Variants in SIDT2 observed in about 807,000 individuals in gnomAD.
SIDT2 encodes SID1 transmembrane family, member 2.
In SIDT2, 68 loss-of-function variants were observed where a neutral mutation model predicts 114.4. The ratio of observed to expected loss-of-function variants is 0.59; its 90% confidence interval spans 0.49 to 0.73. SIDT2 has a LOEUF of 0.73. Ranked by LOEUF, SIDT2 falls within the 30% of genes least tolerant of loss-of-function variation. SIDT2 has a pLI of 0.00. For missense variants in SIDT2, 918 were observed against 1,097.1 expected (o/e 0.84, Z 2.31); for synonymous variants, 470 against 438.4 (o/e 1.07, Z -0.90).
rs2030926261 is a variant in SIDT2, at chr11:117,197,346, T to A, written c.*1280T>A. On this transcript the variant is annotated 3_prime_UTR_variant, in exon 26 of 26. Coordinates refer to ENST00000324225, the MANE Select transcript of SIDT2 (RefSeq NM_001040455.2). ...TAGCTCTGCTTGAAGGGCTGGGAGA[T>A]GAGGTGGGTCTGGATCTTTTCTCAG... is the stretch of plus-strand genomic sequence containing the variant. 1 of 152,622 alleles carries A rather than the reference T, an allele frequency of 6.6e-6. No individual in the cohort carries two copies. The highest frequency in any genetic ancestry group is 2.4e-5 in the African/African-American group (1 of 41,446). The allele number at this position is 152,622 out of a possible 1,614,324, so 9.5% of individuals were successfully genotyped here. A position where few individuals can be genotyped will look rare whatever the true frequency, so the allele number is the denominator to read the frequency against.
intron 15 of SIDT2, 46 bp from the exon 16 acceptor site, chr11:117,189,906 T>C (rs2030638215): frequency 2.2e-5 from 35 of 1,595,632 alleles, no homozygotes; most frequent in Non-Finnish European, 3.0e-5. Context: ...GTGGGCTGAG[T>C]TGGGCGTGAC....
At position 117,196,201 on chromosome 11, in the gene SIDT2, T is replaced by A; in HGVS notation, c.*135T>A. 1 of 1,221,844 alleles carries A rather than the reference T, an allele frequency of 8.2e-7. No individual in the cohort carries two copies. The highest frequency in any genetic ancestry group is 1.1e-6 in the Non-Finnish European group (1 of 872,314). 75.7% of individuals were successfully genotyped at this position (1,221,844 alleles called of 1,614,324 possible). ...TGGATGGCAGCAGGACAGCCAGGTC[T>A]AGCTTAGGCTTGGCCTGGGACAGCC... On this transcript the variant is annotated 3_prime_UTR_variant, in exon 26 of 26. Transcript: ENST00000324225. The surrounding 1 kb of genome is among the most constrained non-coding windows in gnomAD (Gnocchi z 4.9).
chr11:117,188,696 T>G lies in SIDT2; in HGVS notation c.1160-12T>G. On this transcript the variant is annotated splice_polypyrimidine_tract_variant and intron_variant, in intron 12 of 25. Coordinates refer to ENST00000324225, the MANE Select transcript of SIDT2 (RefSeq NM_001040455.2). This position sits in a 1 kb window ranked among gnomAD's most constrained non-coding sequence, Gnocchi z 4.0. The stretch of plus-strand genomic sequence containing the variant: ...TCCACCGGTGCAACCCCTCCCTCCC[T>G]GCCCTTTCCAGGCCGCTCCTTTGAA... The G allele has an allele frequency of 6.3e-7, 1 of 1,597,112 alleles. No homozygotes were observed. Among genetic ancestry groups the G allele is most frequent in the South Asian group, 1.1e-5 (1 of 90,742 alleles).
chr11:117,193,742 C>T (rs951184549), intron 23 of SIDT2, 111 bp from the exon 24 acceptor site: 2 of 745,200 alleles, frequency 2.7e-6, no homozygotes, highest in African/African-American at 1.7e-5. Flanking sequence ...AGGAGCAGTC[C>T]TGAAGGCCTG....
intron 8 of SIDT2, among the ~76,000 whole-genome samples, chr11:117,184,415 G>T (rs1349292912): frequency 6.6e-6 from 1 of 152,212 alleles, no homozygotes; most frequent in Non-Finnish European, 1.5e-5. Context: ...TTGTAAGAAA[G>T]AGCTTTAATT....
Position 117,181,978 on chromosome 11 carries a change from A to G in SIDT2, c.470+7A>G. The G allele has an allele frequency of 6.2e-7, 1 of 1,614,084 alleles. No homozygotes were observed. The highest frequency in any genetic ancestry group is 8.5e-7 in the Non-Finnish European group (1 of 1,179,992). ...TGGACGATTTTGTGCTCAGGTCTGC[A>G]GGGTAGAGTGAGGGGACCACGGGGG... On this transcript the variant is annotated splice_region_variant and intron_variant, in intron 3 of 25. Transcript: ENST00000324225.
At chr11:117,182,913 T>C in intron 6 of SIDT2, 107 bp downstream of exon 6, 1 of 1,254,622 alleles carries the variant, frequency 8.0e-7, no homozygotes. Flanking sequence ...TACACACGAC[T>C]GAGTCTTTGG....
chr11:117,187,320 C>T, intron 10 of SIDT2, 58 bp from the exon 11 acceptor site: 1 of 1,520,456 alleles, frequency 6.6e-7, no homozygotes, highest in Non-Finnish European at 9.1e-7. Context: ...TGTTCTTCTC[C>T]CTGGCTCTAG....
Position 117,189,913 on chromosome 11 carries a change from TGAC to T in SIDT2, c.1420-35_1420-33del, listed in dbSNP as rs750990389. 5.0e-6 allele frequency: 8 copies of T among 1,605,930 alleles called. No homozygotes were observed. In the East Asian group the frequency reaches 1.8e-4, roughly 36 times the overall value. On this transcript the variant is annotated intron_variant, in intron 15 of 25. Transcript: ENST00000324225. The stretch of plus-strand genomic sequence containing the variant: ...GGCGGGGCGTGGGCTGAGTTGGGCG[TGAC>T]GACAGACCCACTCCCTGTCCCTGCT...
chr11:117,193,094 G>A (rs1392888846), intron 22 of SIDT2, 59 bp from the exon 23 acceptor site: 13 of 1,553,426 alleles, frequency 8.4e-6, no homozygotes, highest in South Asian at 6.7e-5. Context: ...GGCAGGGCAG[G>A]AAGAGCACTT....
Position 117,188,589 on chromosome 11 carries a change from C to A in SIDT2, c.1160-119C>A. 2 of 745,258 alleles carry A rather than the reference C, an allele frequency of 2.7e-6. No homozygotes were observed. The highest frequency in any genetic ancestry group is 1.6e-5 in the South Asian group (1 of 61,670). The allele number at this position is 745,258 out of a possible 1,614,324, so 46.2% of individuals were successfully genotyped here. ...CCACTTCCACCCCAACTCTGAGGCCCAGCCCACAATTTGCCTCTTCCCTAC... is the reference window on the plus strand; with the variant it reads ...CCACTTCCACCCCAACTCTGAGGCCAAGCCCACAATTTGCCTCTTCCCTAC... On this transcript the variant is annotated intron_variant, in intron 12 of 25. Transcript: ENST00000324225. This position sits in a 1 kb window ranked among gnomAD's most constrained non-coding sequence, Gnocchi z 4.0.
rs55970874 is a variant in SIDT2, at chr11:117,195,085, CAAAAAAAAA to C, written c.2323-696_2323-688del. 1.6e-3 allele frequency among the ~76,000 whole-genome samples: 73 copies of C among 45,694 alleles called. 1 individual carries two copies. The highest frequency in any genetic ancestry group is 1.7e-3 in the African/African-American group (27 of 15,808). The allele number at this position is 45,694 out of a possible 152,430, so 30.0% of individuals were successfully genotyped here. ...CTGTCAACAGAGCAAGACTCTGTCT[CAAAAAAAAA>C]AAAAAAAAAAAAAAAAAAAAGTCTT... On this transcript the variant is annotated intron_variant, in intron 24 of 25. Transcript: ENST00000324225.
chr11:117,180,351 C>A (rs1048346900), intron 1 of SIDT2, among the ~76,000 whole-genome samples: 2 of 151,970 alleles, frequency 1.3e-5, no homozygotes, highest in Non-Finnish European at 2.9e-5. Context: ...TTCCTTTTTT[C>A]CCATATCTAA....
In SIDT2 at chr11:117,187,555, C is replaced by A. The variant is rs1022942568; in HGVS notation, c.1088-73C>A. 25 of 1,594,146 alleles carry A rather than the reference C, an allele frequency of 1.6e-5. No homozygotes were observed. The African/African-American group carries it at 3.2e-4, about 21-fold the overall frequency. On this transcript the variant is annotated intron_variant, in intron 11 of 25. Coordinates refer to ENST00000324225, the MANE Select transcript of SIDT2 (RefSeq NM_001040455.2). Reference sequence around the variant, plus strand: ...GGAGCCACCTCCTCCAGCCCCCACACCCTCTGCAGATGCTCAGAGCCCCTT... The same window carrying A: ...GGAGCCACCTCCTCCAGCCCCCACAACCTCTGCAGATGCTCAGAGCCCCTT...
chr11:117,187,731 G>A (rs745718858), intron 12 of SIDT2, 32 bp downstream of exon 12: 16 of 1,603,042 alleles, frequency 1.0e-5, no homozygotes, highest in Middle Eastern at 3.3e-4. Flanking sequence ...GGGCGGTGTG[G>A]TGCAGGACGG....
chr11:117,181,638 G>T, intron 2 of SIDT2, 101 bp downstream of exon 2: 1 of 1,583,802 alleles, frequency 6.3e-7, no homozygotes, highest in Non-Finnish European at 8.6e-7. Flanking sequence ...CTTTCCCTGG[G>T]CTGGGAGGCT....
At chr11:117,187,571 A>G in intron 11 of SIDT2, 57 bp from the exon 12 acceptor site, 1 of 1,603,464 alleles carries the variant, frequency 6.2e-7, no homozygotes, top group Non-Finnish European at 8.5e-7. Context: ...GCAGATGCTC[A>G]GAGCCCCTTT....
intron 9 of SIDT2, 128 bp from the exon 10 acceptor site, chr11:117,186,456 G>A (rs2030499826): frequency 1.9e-6 from 2 of 1,048,292 alleles, no homozygotes; most frequent in Admixed American, 4.6e-5. Context: ...GAGGAACCCT[G>A]GGACAAAGGG....
intron 10 of SIDT2, 92 bp downstream of exon 10, chr11:117,186,728 A>T: frequency 2.6e-6 from 2 of 768,164 alleles, no homozygotes; most frequent in African/African-American, 2.5e-5. Flanking sequence ...TGGAGGAGGA[A>T]GGGCTGGGGG....
Sources: gnomAD v4.1 joint callset for allele counts (sites outside exome capture counted in the v4.1 genomes callset) on GRCh38, gnomAD v4.1.1 for gene constraint, Gnocchi (gnomAD v3.1) non-coding constraint, MANE v1.5 for transcripts, NCBI Gene and HGNC (gene_info 2026-07-23, HGNC 2026-07-21) for gene names.